Variants in URM1 observed in about 807,000 individuals in gnomAD.
URM1 encodes ubiquitin related modifier 1.
A neutral mutation model predicts 17.7 loss-of-function variants in URM1; 11 were observed. That is an observed-to-expected ratio of 0.62 (90% CI 0.39 to 1.03). The LOEUF (loss-of-function observed/expected upper bound fraction) is 1.03, where lower values mean the gene tolerates loss of function less well. URM1 is among the 50% of genes least tolerant of loss of function. The pLI is 0.00. For missense variants in URM1, 128 were observed against 129.2 expected (o/e 0.99, Z 0.04); for synonymous variants, 48 against 50.6 (o/e 0.95, Z 0.22).
At chr9:128,377,955 TCC>T in intron 1 of URM1, 79 bp from the exon 2 acceptor site, 2 of 1,470,022 alleles carry the variant, frequency 1.4e-6, no homozygotes, top group Non-Finnish European at 1.9e-6. Context: ...ACCAGCCCTA[TCC>T]TCAGTTTTCT....
chr9:128,377,140 A>G (rs947338838), intron 1 of URM1, among the ~76,000 whole-genome samples: 22 of 152,242 alleles, frequency 1.4e-4, no homozygotes, highest in Admixed American at 1.4e-3. Context: ...CCACAGTGCT[A>G]GGATTCCAGG....
intron 2 of URM1, among the ~76,000 whole-genome samples, chr9:128,381,559 G>A (rs1280117201): frequency 6.6e-6 from 1 of 152,204 alleles, no homozygotes; most frequent in Non-Finnish European, 1.5e-5. Context: ...AGCTGGGCAT[G>A]GTGGTGGGCA....
At chr9:128,388,122 C>G (rs887770043) in intron 3 of URM1, 3 of 1,330,798 alleles carry the variant, frequency 2.3e-6, no homozygotes, top group Non-Finnish European at 1.9e-6. Context: ...TCTCAGAAAA[C>G]TTGGATTCTG....
At chr9:128,376,173 G>A (rs1270560904) in intron 1 of URM1, among the ~76,000 whole-genome samples, 2 of 151,610 alleles carry the variant, frequency 1.3e-5, no homozygotes, top group African/African-American at 2.4e-5. Context: ...CAGCCTGGAC[G>A]ACATAGGGAG....
chr9:128,376,882 G>T (rs755446125), intron 1 of URM1, among the ~76,000 whole-genome samples: 3 of 151,956 alleles, frequency 2.0e-5, no homozygotes, highest in African/African-American at 7.3e-5. Flanking sequence ...GCTGCTTGGG[G>T]GTCTGATGTG....
chr9:128,373,139 A>T (rs1002584905), intron 1 of URM1, among the ~76,000 whole-genome samples: 1 of 152,026 alleles, frequency 6.6e-6, no homozygotes, highest in Non-Finnish European at 1.5e-5. Flanking sequence ...CTCCAAGAGC[A>T]ATAATGACCC....
At chr9:128,382,247 C>T (rs1833168423) in intron 2 of URM1, among the ~76,000 whole-genome samples, 1 of 152,108 alleles carries the variant, frequency 6.6e-6, no homozygotes, top group Non-Finnish European at 1.5e-5. Flanking sequence ...ACACAGCAGA[C>T]CCATGGTAAC....
At chr9:128,385,017 C>T (rs977789003) in intron 2 of URM1, among the ~76,000 whole-genome samples, 2 of 152,176 alleles carry the variant, frequency 1.3e-5, no homozygotes, top group Non-Finnish European at 2.9e-5. Flanking sequence ...GAAGCACAGG[C>T]CTGGGCAGTG....
intron 2 of URM1, among the ~76,000 whole-genome samples, chr9:128,378,563 A>AAC (rs1465921733): frequency 6.8e-6 from 1 of 147,782 alleles, no homozygotes; most frequent in African/African-American, 2.6e-5. Flanking sequence ...AAAAAAAAAA[A>AAC]AAAAAAAAAC....
chr9:128,389,656 C>T lies in URM1; in HGVS notation c.238-10C>T, dbSNP rs1168107640. 6.2e-7 allele frequency: 1 copy of T among 1,613,514 alleles called. No individual in the cohort carries two copies. Among genetic ancestry groups the T allele is most frequent in the Non-Finnish European group, 8.5e-7 (1 of 1,179,984 alleles). Reference sequence around the variant, plus strand: ...CTGAGGGTCTCCCGCTCCCCTCTCTCCCGCACCAGGGTGAGCTGGACTACC... The same window carrying T: ...CTGAGGGTCTCCCGCTCCCCTCTCTTCCGCACCAGGGTGAGCTGGACTACC... On this transcript the variant is annotated splice_polypyrimidine_tract_variant and intron_variant, in intron 4 of 4. Transcript: ENST00000372853.
intron 2 of URM1, among the ~76,000 whole-genome samples, chr9:128,383,687 C>T (rs970886345): frequency 2.0e-5 from 3 of 152,136 alleles, no homozygotes; most frequent in Non-Finnish European, 4.4e-5. Context: ...GACCTCCTGT[C>T]CCTGGAGGTG....
chr9:128,387,866 C>A lies in URM1; in HGVS notation c.157C>A (p.Arg53=), dbSNP rs756580246. Reference sequence around the variant, plus strand: ...GATCAAGAAGAATTTGCTAAAAGAGCGGCCAGAGTTGTTCATCCAGGGAGA... The same window carrying A: ...GATCAAGAAGAATTTGCTAAAAGAGAGGCCAGAGTTGTTCATCCAGGGAGA... The part of the protein sequence containing the change: ...IWIKKNLLKE[R]PELFIQGDSV... Residue 53 remains arginine (R), a synonymous_variant, in exon 3 of 5, where the codon CGG becomes AGG. Coordinates refer to ENST00000372853, the MANE Select transcript of URM1 (RefSeq NM_030914.4). This position sits in a 1 kb window ranked among gnomAD's most constrained non-coding sequence, Gnocchi z 4.3. 4 of 1,614,052 alleles carry A rather than the reference C, an allele frequency of 2.5e-6. No individual in the cohort carries two copies. The highest frequency in any genetic ancestry group is 3.4e-6 in the Non-Finnish European group (4 of 1,180,000).
At position 128,387,089 on chromosome 9, in the gene URM1, C is replaced by T. The variant is rs1184365697; in HGVS notation, c.107-727C>T. ...CAGGTGGCTCTGAGCCTCCACATGA[C>T]ATACAAGGAGGCTGGTGGCTCCCCC... On this transcript the variant is annotated intron_variant, in intron 2 of 4. Coordinates refer to ENST00000372853, the MANE Select transcript of URM1 (RefSeq NM_030914.4). The surrounding 1 kb of genome is among the most constrained non-coding windows in gnomAD (Gnocchi z 4.3). Among the ~76,000 whole-genome samples, 2 of 152,198 alleles carry T rather than the reference C, an allele frequency of 1.3e-5. No individual in the cohort carries two copies. The highest frequency in any genetic ancestry group is 2.9e-5 in the Non-Finnish European group (2 of 68,032).
rs746373399 is a variant in URM1, at chr9:128,371,391, C to T, written c.11C>T (p.Pro4Leu). MAA[P>L]LSVEVEFGGG... Reference sequence around the variant, plus strand: ...CTCGGCTTCCTCAACATGGCTGCGCCCTTGTCAGTGGAGGTGGAGTTCGGG... The same window carrying T: ...CTCGGCTTCCTCAACATGGCTGCGCTCTTGTCAGTGGAGGTGGAGTTCGGG... Residue 4 changes from proline to leucine, a missense_variant, in exon 1 of 5, where the codon CCC becomes CTC. By Grantham distance (98) the Pro-to-Leu change is moderately conservative. Transcript: ENST00000372853. 10 of 1,612,888 alleles carry T rather than the reference C, an allele frequency of 6.2e-6. No individual in the cohort carries two copies. In the South Asian group the frequency reaches 9.9e-5, roughly 16 times the overall value.
intron 1 of URM1, among the ~76,000 whole-genome samples, chr9:128,373,224 G>A (rs1308594905): frequency 1.8e-5 from 2 of 108,506 alleles, no homozygotes; most frequent in Non-Finnish European, 3.5e-5. Flanking sequence ...TCACAGCACA[G>A]CGTTCCATGA....
intron 3 of URM1, chr9:128,388,475 A>G: frequency 1.0e-6 from 1 of 986,120 alleles, no homozygotes; most frequent in Non-Finnish European, 1.2e-6. Flanking sequence ...CTTCTAAAAC[A>G]AGGCCAGTCC....
chr9:128,376,039 G>A (rs865817286), intron 1 of URM1, among the ~76,000 whole-genome samples: 16 of 151,952 alleles, frequency 1.1e-4, no homozygotes, highest in African/African-American at 3.9e-4. Flanking sequence ...ACAAGAGTCG[G>A]CAAATTTGGG....
intron 2 of URM1, among the ~76,000 whole-genome samples, chr9:128,384,274 G>C (rs756237789): frequency 2.0e-4 from 31 of 152,168 alleles, no homozygotes; most frequent in Non-Finnish European, 4.0e-4. Context: ...AAGGTATCCT[G>C]CACTGGAAAC....
intron 1 of URM1, among the ~76,000 whole-genome samples, chr9:128,377,526 C>A (rs1183521052): frequency 2.0e-5 from 3 of 152,096 alleles, no homozygotes; most frequent in Admixed American, 6.6e-5. Context: ...AAAACTTAGC[C>A]AGATGTGGTG....
Sources: gnomAD v4.1 joint callset for allele counts (sites outside exome capture counted in the v4.1 genomes callset) on GRCh38, gnomAD v4.1.1 for gene constraint, Gnocchi (gnomAD v3.1) non-coding constraint, MANE v1.5 for transcripts, NCBI Gene and HGNC (gene_info 2026-07-23, HGNC 2026-07-21) for gene names.